Variants in POLN observed in about 807,000 individuals in gnomAD.
POLN encodes the protein DNA polymerase N.
A neutral mutation model predicts 113.5 loss-of-function variants in POLN; 108 were observed. The observed-to-expected ratio is 0.95, with a 90% CI of 0.81 to 1.12. The LOEUF is 1.12. Ranked by LOEUF, POLN falls within the 50% of genes most tolerant of loss-of-function variation. The probability of loss-of-function intolerance (pLI) is 0.00; values close to 1 mark genes in which losing one functional copy is unlikely to be tolerated. For missense variants in POLN, 1,097 were observed against 1,077.1 expected (o/e 1.02, Z -0.26); for synonymous variants, 386 against 391.5 (o/e 0.99, Z 0.17).
intron 16 of POLN, among the ~76,000 whole-genome samples, chr4:2,132,824 G>T (rs1247604975): frequency 6.6e-6 from 1 of 152,206 alleles, no homozygotes; most frequent in Non-Finnish European, 1.5e-5. Flanking sequence ...TGCTCTAAAA[G>T]AAATGCTACA....
chr4:2,181,012 G>A (rs1487409017), intron 7 of POLN, among the ~76,000 whole-genome samples: 1 of 149,986 alleles, frequency 6.7e-6, no homozygotes, highest in Non-Finnish European at 1.5e-5. Flanking sequence ...ATCTAGGAGA[G>A]AAAATTTAAA....
At chr4:2,236,496 A>G (rs1274134689) in intron 2 of POLN, 6 of 1,385,050 alleles carry the variant, frequency 4.3e-6, no homozygotes, top group Non-Finnish European at 6.1e-6. Context: ...AAAATTATCA[A>G]GTCAGTATCA....
intron 3 of POLN, among the ~76,000 whole-genome samples, chr4:2,216,241 C>T (rs1401848037): frequency 6.6e-6 from 1 of 152,230 alleles, no homozygotes; most frequent in Non-Finnish European, 1.5e-5. Context: ...CTTCCTGTGC[C>T]CCTGCTGGAA....
At chr4:2,147,417 G>A (rs1028023105) in intron 16 of POLN, among the ~76,000 whole-genome samples, 20 of 152,158 alleles carry the variant, frequency 1.3e-4, no homozygotes, top group African/African-American at 4.1e-4. Flanking sequence ...AACAAGGATT[G>A]ACAAGATGAT....
chr4:2,241,016 A>G (rs1734967753), intron 2 of POLN: 1 of 1,216,816 alleles, frequency 8.2e-7, no homozygotes, highest in African/African-American at 1.5e-5. Flanking sequence ...AAATAAATCC[A>G]AGCAGAAAAA....
At chr4:2,082,697 T>A (rs958082517) in intron 21 of POLN, 1 of 152,196 alleles carries the variant, frequency 6.6e-6, no homozygotes, top group African/African-American at 2.4e-5. Flanking sequence ...CCAGGCAATA[T>A]ACAAGATTCT....
At chr4:2,072,373 G>A (rs571341105) in intron 25 of POLN, 74 bp from the exon 26 acceptor site, 3 of 1,323,914 alleles carry the variant, frequency 2.3e-6, no homozygotes, top group Admixed American at 5.7e-5. Flanking sequence ...CCCCAAGCAG[G>A]GGGACAGGGC....
At chr4:2,154,597 G>T (rs1330913672) in intron 16 of POLN, among the ~76,000 whole-genome samples, 1 of 152,132 alleles carries the variant, frequency 6.6e-6, no homozygotes, top group Non-Finnish European at 1.5e-5. Context: ...GCAACATAAA[G>T]CCTTAAAAAT....
At chr4:2,239,905 A>G (rs1327973943) in intron 2 of POLN, 2 of 691,118 alleles carry the variant, frequency 2.9e-6, no homozygotes, top group Non-Finnish European at 4.9e-6. Context: ...GATCACAAAT[A>G]AGCACTGAAC....
intron 21 of POLN, among the ~76,000 whole-genome samples, chr4:2,083,511 C>G (rs1730478988): frequency 6.6e-6 from 1 of 152,238 alleles, no homozygotes; most frequent in Admixed American, 6.5e-5. Context: ...CAGTGACTCC[C>G]TTGTGGCCTA....
intron 13 of POLN, among the ~76,000 whole-genome samples, chr4:2,161,752 A>C (rs181743390): frequency 4.7e-4 from 71 of 152,314 alleles, no homozygotes; most frequent in Non-Finnish European, 8.7e-4. Context: ...GGGGACGTGG[A>C]GCACCTTTAT....
Position 2,129,226 on chromosome 4 carries a change from G to C in POLN, c.1820C>G (p.Pro607Arg). The change falls in exon 18 of 26, where the codon CCG becomes CGG. Residue 607 changes from proline to arginine, a missense_variant. By Grantham distance (103) the Pro-to-Arg change is moderately radical. Transcript: ENST00000511885. ...TTTGGATGAAACAAACATGGCCCTC[G>C]GGGAGATCGTGAGAATCTTGTCTTC... ...GKEDKILTIS[P>R]RAMFVSSKGH... 1 of 1,599,722 alleles carries C rather than the reference G, an allele frequency of 6.3e-7. No individual in the cohort carries two copies. The highest frequency in any genetic ancestry group is 8.6e-7 in the Non-Finnish European group (1 of 1,167,128).
chr4:2,191,761 G>T (rs551834740), intron 7 of POLN, among the ~76,000 whole-genome samples: 23 of 152,260 alleles, frequency 1.5e-4, no homozygotes, highest in African/African-American at 5.3e-4. Flanking sequence ...ATTTAGAGAT[G>T]AATCACATGA....
At chr4:2,225,818 T>C (rs1042294153) in intron 3 of POLN, among the ~76,000 whole-genome samples, 14 of 151,606 alleles carry the variant, frequency 9.2e-5, no homozygotes, top group African/African-American at 1.2e-4. Flanking sequence ...CTGGGCAACA[T>C]AGCAAGACCT....
chr4:2,191,343 C>G (rs753935185), intron 7 of POLN, among the ~76,000 whole-genome samples: 3 of 149,078 alleles, frequency 2.0e-5, no homozygotes, highest in South Asian at 2.2e-4. Context: ...GGTAAGGGGG[C>G]GGTGGGTGGG....
chr4:2,165,290 T>C (rs778680527), intron 13 of POLN, among the ~76,000 whole-genome samples: 3 of 152,184 alleles, frequency 2.0e-5, no homozygotes, highest in Non-Finnish European at 4.4e-5. Context: ...TGGAAGAAAC[T>C]TAAGTGCCTA....
Position 2,128,303 on chromosome 4 carries a change from C to T in POLN, c.1868-76G>A, listed in dbSNP as rs1416586723. On this transcript the variant is annotated intron_variant, in intron 18 of 25. Transcript: ENST00000511885. Reference sequence around the variant, plus strand: ...GTGTTTGCTGCGCACCCCGGCCACCCTCAGACTCTCCTGACTCTGTAGCCT... The same window carrying T: ...GTGTTTGCTGCGCACCCCGGCCACCTTCAGACTCTCCTGACTCTGTAGCCT... The T allele has an allele frequency of 4.6e-6, 4 of 861,410 alleles. No homozygotes were observed. In the East Asian group the frequency reaches 7.9e-5, roughly 17 times the overall value. 53.4% of individuals were successfully genotyped at this position (861,410 alleles called of 1,614,324 possible). A position where few individuals can be genotyped will look rare whatever the true frequency, so the allele number is the denominator to read the frequency against.
At chr4:2,146,272 G>A (rs928602469) in intron 16 of POLN, among the ~76,000 whole-genome samples, 2 of 152,232 alleles carry the variant, frequency 1.3e-5, no homozygotes, top group East Asian at 1.9e-4. Context: ...TTGGGCGGCC[G>A]AGGCAGGCGG....
chr4:2,167,384 C>T (rs566156581), intron 13 of POLN, among the ~76,000 whole-genome samples: 1 of 152,144 alleles, frequency 6.6e-6, no homozygotes, highest in Non-Finnish European at 1.5e-5. Flanking sequence ...GGGAGGGACC[C>T]TTGTTTCCCA....
Sources: gnomAD v4.1 joint callset for allele counts (sites outside exome capture counted in the v4.1 genomes callset) on GRCh38, gnomAD v4.1.1 for gene constraint, MANE v1.5 for transcripts, NCBI Gene and HGNC (gene_info 2026-07-23, HGNC 2026-07-21) for gene names.